DSCAM: variants seen among roughly 807,000 people sequenced by gnomAD.
DSCAM encodes cell adhesion molecule DSCAM.
Under a neutral mutation model 217.7 loss-of-function variants are expected in DSCAM, and 47 were observed. The observed-to-expected ratio is 0.22, with a 90% CI of 0.17 to 0.28. DSCAM has a LOEUF of 0.28. Among genes scored for constraint, DSCAM ranks in the 10% least tolerant of loss-of-function variants. The pLI is 1.00. For missense variants in DSCAM, 2,080 were observed against 2,618.3 expected (o/e 0.79, Z 4.49); for synonymous variants, 1,056 against 1,015.3 (o/e 1.04, Z -0.76).
intron 11 of DSCAM, among the ~76,000 whole-genome samples, chr21:40,250,172 G>A (rs934832095): frequency 1.3e-5 from 2 of 152,140 alleles, no homozygotes; most frequent in Admixed American, 6.5e-5. Context: ...GACCTATGAC[G>A]GTTTGGGGAT....
At chr21:40,646,988 T>A (rs2089955684) in intron 3 of DSCAM, among the ~76,000 whole-genome samples, 1 of 152,214 alleles carries the variant, frequency 6.6e-6, no homozygotes, top group African/African-American at 2.4e-5. Context: ...ATTTATAACA[T>A]CATAAAGACA....
At chr21:40,149,665 A>T (rs1186458768) in intron 16 of DSCAM, among the ~76,000 whole-genome samples, 1 of 144,584 alleles carries the variant, frequency 6.9e-6, no homozygotes, top group Non-Finnish European at 1.5e-5. Flanking sequence ...CCATCGCTCC[A>T]TCACTATCCC....
chr21:40,097,669 C>T (rs938507561), intron 20 of DSCAM, among the ~76,000 whole-genome samples: 8 of 151,938 alleles, frequency 5.3e-5, no homozygotes, highest in East Asian at 1.9e-4. Flanking sequence ...AGGCCAGGTG[C>T]GGTGGCTCAC....
intron 1 of DSCAM, among the ~76,000 whole-genome samples, chr21:40,845,253 G>T (rs565314875): frequency 2.7e-4 from 41 of 152,320 alleles, no homozygotes; most frequent in Admixed American, 4.6e-4. Context: ...GGAGAGCAAA[G>T]TATCATTTTC....
rs1292803462 is a variant in DSCAM, at chr21:40,563,820, TTATATGTTTA to T, written c.508+128980_508+128989del. On this transcript the variant is annotated intron_variant, in intron 3 of 32. Transcript: ENST00000400454. ...TATATAGTTATATGTGTATATATAG[TTATATGTTTA>T]TATATGTTTATATGTTTATATATGT... Among the ~76,000 whole-genome samples, 253 of 147,788 alleles carry T rather than the reference TTATATGTTTA, an allele frequency of 1.7e-3. 1 individual carries two copies. The highest frequency in any genetic ancestry group is 5.8e-3 in the African/African-American group (233 of 39,876).
At chr21:40,821,393 G>GCA (rs146285607) in intron 1 of DSCAM, among the ~76,000 whole-genome samples, 2,746 of 146,198 alleles carry the variant, frequency 0.019, 61 homozygotes, top group Admixed American at 0.066. Context: ...ACACACGCGC[G>GCA]CACACACACA....
At chr21:40,521,106 C>T (rs548835204) in intron 3 of DSCAM, among the ~76,000 whole-genome samples, 36 of 152,098 alleles carry the variant, frequency 2.4e-4, no homozygotes, top group Admixed American at 1.3e-4. Context: ...GTTTCTCAAC[C>T]GGGGTCATTT....
chr21:40,498,779 GTGTATATATATATATATATATATATATA>G (rs2076148142), intron 3 of DSCAM, among the ~76,000 whole-genome samples: 1 of 70,128 alleles, frequency 1.4e-5, no homozygotes, highest in African/African-American at 4.7e-5. Context: ...ATATATGGGT[GTGTATATATATATATATATATATATATA>G]TATATATATA....
intron 3 of DSCAM, among the ~76,000 whole-genome samples, chr21:40,526,600 G>A (rs1165585980): frequency 1.3e-5 from 2 of 152,146 alleles, no homozygotes; most frequent in Non-Finnish European, 1.5e-5. Flanking sequence ...GGGAGATAAT[G>A]AGAGCCCTCG....
chr21:40,447,705 G>A (rs1435662355), intron 3 of DSCAM, among the ~76,000 whole-genome samples: 1 of 152,158 alleles, frequency 6.6e-6, no homozygotes, highest in Non-Finnish European at 1.5e-5. Context: ...TGTACTTTCA[G>A]CAACAATAAT....
rs576690949 is a variant in DSCAM at position 40,025,791 on chromosome 21, T to C, written c.5687-12405A>G. ...CTCTTTATTAGTCTTGCTAGCAGTCTATCTATTTTGTTGATCCTTTCAAAA... is the reference window on the plus strand; with the variant it reads ...CTCTTTATTAGTCTTGCTAGCAGTCCATCTATTTTGTTGATCCTTTCAAAA... On this transcript the variant is annotated intron_variant, in intron 32 of 32. Transcript: ENST00000400454. 1.1e-4 allele frequency among the ~76,000 whole-genome samples: 17 copies of C among 151,006 alleles called. 1 individual carries two copies. Among genetic ancestry groups the C allele is most frequent in the Admixed American group, 4.6e-4 (7 of 15,150 alleles).
chr21:40,769,806 C>T (rs2091428950), intron 1 of DSCAM, among the ~76,000 whole-genome samples: 1 of 152,174 alleles, frequency 6.6e-6, no homozygotes, highest in Non-Finnish European at 1.5e-5. Flanking sequence ...TCACCAACCC[C>T]CAGGTGGTTG....
intron 6 of DSCAM, among the ~76,000 whole-genome samples, chr21:40,340,498 C>G (rs1191435283): frequency 6.6e-6 from 1 of 152,180 alleles, no homozygotes; most frequent in Non-Finnish European, 1.5e-5. Context: ...CAGCCAGCCT[C>G]AGGCATACAA....
At chr21:40,157,991 G>T (rs9983013) in intron 16 of DSCAM, among the ~76,000 whole-genome samples, 21,210 of 152,174 alleles carry the variant, frequency 0.14, 1,864 homozygotes, top group Middle Eastern at 0.26. Flanking sequence ...ACCATGCCTA[G>T]CCTCTTATCT....
At chr21:40,098,390 T>G (rs1290038687) in intron 20 of DSCAM, among the ~76,000 whole-genome samples, 1 of 152,174 alleles carries the variant, frequency 6.6e-6, no homozygotes, top group East Asian at 1.9e-4. Flanking sequence ...GTGAAGTAGG[T>G]GGAGCTGGAT....
intron 1 of DSCAM, among the ~76,000 whole-genome samples, chr21:40,738,823 C>G (rs776294359): frequency 6.6e-6 from 1 of 152,204 alleles, no homozygotes; most frequent in Non-Finnish European, 1.5e-5. Context: ...AACACACTTC[C>G]TGCTTCACTA....
At chr21:40,112,771 G>C (rs997003891) in intron 20 of DSCAM, among the ~76,000 whole-genome samples, 9 of 152,164 alleles carry the variant, frequency 5.9e-5, no homozygotes, top group Non-Finnish European at 1.3e-4. Flanking sequence ...ACTACCATCA[G>C]AGAATACTAT....
intron 10 of DSCAM, among the ~76,000 whole-genome samples, chr21:40,281,908 A>T (rs2073765503): frequency 6.6e-6 from 1 of 152,234 alleles, no homozygotes; most frequent in South Asian, 2.1e-4. Flanking sequence ...TTATTTTACA[A>T]AACTCTTTTT....
chr21:40,161,774 A>G (rs1227313149), intron 16 of DSCAM, among the ~76,000 whole-genome samples: 2 of 152,236 alleles, frequency 1.3e-5, no homozygotes, highest in African/African-American at 2.4e-5. Context: ...CCAATGCTAG[A>G]ACCAATGGAT....
Sources: allele counts gnomAD v4.1 joint callset (sites outside exome capture counted in the v4.1 genomes callset), GRCh38; gene constraint gnomAD v4.1.1; transcripts MANE v1.5; gene names NCBI Gene and HGNC (gene_info 2026-07-23, HGNC 2026-07-21).